HDAC4: variants seen among roughly 807,000 people sequenced by gnomAD.
HDAC4 encodes the protein histone deacetylase A.
In HDAC4, 16 loss-of-function variants were observed where a neutral mutation model predicts 135.1. That is an observed-to-expected ratio of 0.12 (90% CI 0.08 to 0.18). The LOEUF is 0.18. Ranked by LOEUF, HDAC4 falls within the 10% of genes least tolerant of loss-of-function variation. The pLI is 1.00. For synonymous variants in HDAC4, 685 were observed against 653.4 expected, an observed-to-expected ratio of 1.05 and a Z score of -0.74; for missense variants, 1,143 against 1,511.8, an observed-to-expected ratio of 0.76 and a Z score of 4.05.
At chr2:239,346,549 A>G (rs1054753579) in intron 2 of HDAC4, among the ~76,000 whole-genome samples, 1 of 79,446 alleles carries the variant, frequency 1.3e-5, no homozygotes, top group East Asian at 3.7e-4. Flanking sequence ...ACACACAAAC[A>G]CACCTTCACA....
chr2:239,146,053 T>C lies in HDAC4; in HGVS notation c.734-1339A>G, dbSNP rs2041739482. On this transcript the variant is annotated intron_variant, in intron 7 of 26. Coordinates refer to ENST00000543185, the MANE Select transcript of HDAC4 (RefSeq NM_001378414.1). This position sits in a 1 kb window ranked among gnomAD's most constrained non-coding sequence, Gnocchi z 4.5. ...TCTGCAGGGAGCGAGGCCTCTGTGC[T>C]GTGGCACGGGGGACCTGGATGACGA... Among the ~76,000 whole-genome samples, 1 of 152,164 alleles carries C rather than the reference T, an allele frequency of 6.6e-6. No homozygotes were observed. Among genetic ancestry groups the C allele is most frequent in the Admixed American group, 6.5e-5 (1 of 15,278 alleles).
rs1039751098 is a variant in HDAC4 at position 239,198,948 on chromosome 2, C to T, written c.95-8871G>A. ...TTCCAAATCAAATGCCATCAACACA[C>T]GCAAATAAATGGACAAGTCTGTAAT... On this transcript the variant is annotated intron_variant, in intron 3 of 26. Transcript: ENST00000543185. Among the ~76,000 whole-genome samples, 9 of 152,250 alleles carry T rather than the reference C, an allele frequency of 5.9e-5. No individual in the cohort carries two copies. In the East Asian group the frequency reaches 7.7e-4, roughly 13 times the overall value.
At chr2:239,161,158 G>A (rs2042768344) in intron 6 of HDAC4, among the ~76,000 whole-genome samples, 1 of 152,078 alleles carries the variant, frequency 6.6e-6, no homozygotes, top group Non-Finnish European at 1.5e-5. Context: ...TTACTATTGA[G>A]TTATAGGAAC....
chr2:239,296,950 G>GCT (rs1411844518), intron 2 of HDAC4, among the ~76,000 whole-genome samples: 1 of 148,988 alleles, frequency 6.7e-6, no homozygotes, highest in Non-Finnish European at 1.5e-5. Context: ...GAAGTGATCA[G>GCT]CTCTCCAGAT....
chr2:239,382,354 A>G (rs1022251492), intron 1 of HDAC4, among the ~76,000 whole-genome samples: 2 of 152,276 alleles, frequency 1.3e-5, no homozygotes, highest in African/African-American at 2.4e-5. Flanking sequence ...TTAAATCATT[A>G]GTATTTTTCC....
chr2:239,264,369 C>T (rs978805209), intron 2 of HDAC4, among the ~76,000 whole-genome samples: 4 of 152,204 alleles, frequency 2.6e-5, no homozygotes, highest in Non-Finnish European at 4.4e-5. Context: ...AGCGAAAGAC[C>T]GTGGGGGCAG....
At chr2:239,110,626 G>C (rs1353741343) in intron 14 of HDAC4, among the ~76,000 whole-genome samples, 1 of 152,252 alleles carries the variant, frequency 6.6e-6, no homozygotes, top group Non-Finnish European at 1.5e-5. Context: ...GAACCTCGCA[G>C]ACTGCAGAAC....
At chr2:239,372,607 G>A (rs1228683720) in intron 1 of HDAC4, among the ~76,000 whole-genome samples, 1 of 152,224 alleles carries the variant, frequency 6.6e-6, no homozygotes, top group African/African-American at 2.4e-5. Context: ...CAGGAGCTCT[G>A]GTCCCCTCTC....
At chr2:239,075,137 T>A (rs1363887344) in intron 22 of HDAC4, among the ~76,000 whole-genome samples, 2 of 133,822 alleles carry the variant, frequency 1.5e-5, no homozygotes, top group African/African-American at 2.9e-5. Context: ...GGCAGGAGAA[T>A]GGCATGAACC....
intron 22 of HDAC4, among the ~76,000 whole-genome samples, chr2:239,072,961 C>T (rs1048111214): frequency 1.3e-5 from 2 of 152,166 alleles, no homozygotes; most frequent in African/African-American, 4.8e-5. Context: ...GCTGAGGCAA[C>T]GGGAGGGCCC....
chr2:239,071,506 C>T (rs1374048761), intron 22 of HDAC4, among the ~76,000 whole-genome samples: 2 of 152,174 alleles, frequency 1.3e-5, no homozygotes, highest in East Asian at 3.9e-4. Flanking sequence ...TCACAATAAG[C>T]AGGTGTTATC....
chr2:239,132,065 C>G (rs1304001378), intron 11 of HDAC4, among the ~76,000 whole-genome samples: 2 of 152,054 alleles, frequency 1.3e-5, no homozygotes, highest in African/African-American at 4.8e-5. Context: ...CCCTGAGACA[C>G]TGAGGACGGA....
chr2:239,188,430 G>GCTAGT, intron 4 of HDAC4, among the ~76,000 whole-genome samples: 1 of 152,374 alleles, frequency 6.6e-6, no homozygotes, highest in South Asian at 2.1e-4. Context: ...GCACCCCTAA[G>GCTAGT]CTACTCTGCA....
rs74512724 is a variant in HDAC4, at chr2:239,363,426, T to C, written c.-219-10508A>G. 4.0e-3 allele frequency among the ~76,000 whole-genome samples: 613 copies of C among 152,332 alleles called. 4 individuals are homozygous for C. The highest frequency in any genetic ancestry group is 0.014 in the African/African-American group (579 of 41,572). ...TAATTAAAGTAAACCAAGGAGAATA[T>C]GCTAGAATGAGACCAACACAGAGTC... On this transcript the variant is annotated intron_variant, in intron 1 of 26. Transcript: ENST00000543185.
At chr2:239,163,997 C>G (rs2042979222) in intron 5 of HDAC4, 74 bp from the exon 6 acceptor site, 4 of 1,582,732 alleles carry the variant, frequency 2.5e-6, no homozygotes, top group Non-Finnish European at 3.5e-6. Context: ...GCAGCGGGGC[C>G]ACAGAGGGAG....
intron 1 of HDAC4, among the ~76,000 whole-genome samples, chr2:239,391,709 C>A (rs1294627155): frequency 1.3e-5 from 2 of 152,210 alleles, no homozygotes; most frequent in Non-Finnish European, 2.9e-5. Flanking sequence ...CTCTTGTCCA[C>A]TGCAGGCACA....
At position 239,139,404 on chromosome 2, in the gene HDAC4, T is replaced by C. The variant is rs1001368414; in HGVS notation, c.978+280A>G. Among the ~76,000 whole-genome samples the C allele has an allele frequency of 1.3e-5, 2 of 152,006 alleles. No homozygotes were observed. Among genetic ancestry groups the C allele is most frequent in the African/African-American group, 4.8e-5 (2 of 41,366 alleles). On this transcript the variant is annotated intron_variant, in intron 9 of 26. Transcript: ENST00000543185. The surrounding 1 kb of genome is among the most constrained non-coding windows in gnomAD (Gnocchi z 5.3). ...TGTGCTGGGACACCATCTAGTGACA[T>C]CTGCTCTGGAAGAGGTCAGGAGAAA...
At chr2:239,247,385 C>CT (rs1553575081) in intron 2 of HDAC4, among the ~76,000 whole-genome samples, 1 of 152,154 alleles carries the variant, frequency 6.6e-6, no homozygotes, top group Non-Finnish European at 1.5e-5. Flanking sequence ...AATATCCCCC[C>CT]TGTCGAGTGG....
chr2:239,157,817 C>T (rs2042522778), intron 6 of HDAC4, among the ~76,000 whole-genome samples: 1 of 152,208 alleles, frequency 6.6e-6, no homozygotes, highest in East Asian at 1.9e-4. Flanking sequence ...TTTGAGAGCA[C>T]ACCAGTGCAA....
Sources: allele counts gnomAD v4.1 joint callset (sites outside exome capture counted in the v4.1 genomes callset), GRCh38; gene constraint gnomAD v4.1.1; non-coding constraint Gnocchi (gnomAD v3.1); transcripts MANE v1.5; gene names NCBI Gene and HGNC (gene_info 2026-07-23, HGNC 2026-07-21).